The following ZNF540 variants were observed in gnomAD, a reference collection of about 807,000 sequenced individuals.
The protein encoded by ZNF540 is zinc finger protein 540, also known as CTD-3064H18.6.
ZNF540 carries 3 observed loss-of-function variants against 11.8 expected under a neutral mutation model. The ratio of observed to expected loss-of-function variants is 0.25; its 90% CI spans 0.12 to 0.65. ZNF540 has a LOEUF of 0.65. ZNF540 is among the 30% of genes least tolerant of loss of function. ZNF540 has a pLI of 0.83. For synonymous variants in ZNF540, 247 were observed against 259.0 expected, an observed-to-expected ratio of 0.95 and a Z score of 0.45; for missense variants, 709 against 793.1, an observed-to-expected ratio of 0.89 and a Z score of 1.27.
At chr19:37,592,941 G>C (rs186416507), upstream of ZNF540, among the ~76,000 whole-genome samples, 2 of 152,276 alleles carry the variant, frequency 1.3e-5, no homozygotes, top group African/African-American at 4.8e-5. Context: ...AAGTTTAACA[G>C]GTTTGGCCAC....
chr19:37,606,297 T>C (rs572216515), intron 4 of ZNF540, among the ~76,000 whole-genome samples: 3 of 152,214 alleles, frequency 2.0e-5, no homozygotes, highest in Non-Finnish European at 4.4e-5. Flanking sequence ...TGTAGGGATA[T>C]ACCTTATTTT....
chr19:37,553,203 G>A (rs1233766439), intron 1 of ZNF540, among the ~76,000 whole-genome samples: 3 of 119,302 alleles, frequency 2.5e-5, no homozygotes, highest in East Asian at 2.6e-4. Context: ...GCATGATCTC[G>A]GCTCACTGCA....
In ZNF540 at chr19:37,611,990, A is replaced by T. The variant is rs1568369427; in HGVS notation, c.710A>T (p.His237Leu). The T allele has an allele frequency of 6.2e-7, 1 of 1,613,760 alleles. No homozygotes were observed. The highest frequency in any genetic ancestry group is 8.5e-7 in the Non-Finnish European group (1 of 1,179,980). Residue 237 changes from histidine to leucine, a missense_variant, in exon 5 of 5, where the codon CAT becomes CTT. Physicochemically the swap from His to Leu is moderately conservative, Grantham distance 99. Coordinates refer to ENST00000316433, the MANE Select transcript of ZNF540 (RefSeq NM_001172225.3). ...CAACTTACTCTGCATCAGAGATTTC[A>T]TACTGGTGAGAAACCCTATGAATGT... ...SYQLTLHQRF[H>L]TGEKPYECQE... is the part of the protein sequence containing the mutation.
upstream of ZNF540, among the ~76,000 whole-genome samples, chr19:37,593,176 T>G (rs2043917818): frequency 1.3e-5 from 2 of 152,186 alleles, no homozygotes; most frequent in African/African-American, 4.8e-5. Context: ...TAAAATATAA[T>G]GTCCTTTTTG....
chr19:37,598,722 T>A (rs775963618), intron 2 of ZNF540, among the ~76,000 whole-genome samples: 1 of 152,198 alleles, frequency 6.6e-6, no homozygotes, highest in Non-Finnish European at 1.5e-5. Context: ...CTTTGTCAGA[T>A]CTGAGGTGTA....
chr19:37,602,584 CG>C (rs1348915432), intron 4 of ZNF540, among the ~76,000 whole-genome samples: 3 of 152,096 alleles, frequency 2.0e-5, no homozygotes, highest in Non-Finnish European at 2.9e-5. Context: ...CTCCCTTTAG[CG>C]AATGAGTTTC....
rs1250152130 is a variant in ZNF540, at chr19:37,614,137, T to G, written c.*874T>G. 3 of 343,478 alleles carry G rather than the reference T, an allele frequency of 8.7e-6. No homozygotes were observed. The highest frequency in any genetic ancestry group is 1.6e-5 in the Non-Finnish European group (3 of 192,748). 21.3% of individuals were successfully genotyped at this position (343,478 alleles called of 1,614,324 possible). A position where few individuals can be genotyped will look rare whatever the true frequency, so the allele number is the denominator to read the frequency against. ...TATTTTGTTATGCAGCCCAGATAAC[T>G]AAGGCACTCCATTAGAATATAAATA... On this transcript the variant is annotated 3_prime_UTR_variant, in exon 5 of 5. Coordinates refer to ENST00000316433, the MANE Select transcript of ZNF540 (RefSeq NM_001172225.3).
intron 1 of ZNF540, among the ~76,000 whole-genome samples, chr19:37,598,164 T>C (rs1243617865): frequency 6.6e-6 from 1 of 152,162 alleles, no homozygotes; most frequent in Admixed American, 6.5e-5. Flanking sequence ...ATATTGGTCA[T>C]GTGTTCTAAT....
chr19:37,594,479 G>A (rs2043959159), upstream of ZNF540: 1 of 152,322 alleles, frequency 6.6e-6, no homozygotes, highest in Non-Finnish European at 1.5e-5. Flanking sequence ...GGGGCTCCAG[G>A]GGCACACTCA....
At chr19:37,577,928 G>A (rs987594332) in intron 1 of ZNF540, among the ~76,000 whole-genome samples, 1 of 152,160 alleles carries the variant, frequency 6.6e-6, no homozygotes, top group Admixed American at 6.5e-5. Flanking sequence ...GTGGGGAACC[G>A]AACTGCAGAG....
At chr19:37,571,880 T>C (rs1448058520) in intron 1 of ZNF540, among the ~76,000 whole-genome samples, 1 of 152,210 alleles carries the variant, frequency 6.6e-6, no homozygotes, top group Non-Finnish European at 1.5e-5. Context: ...CAGAAAGCTA[T>C]ATTGTTACAT....
intron 1 of ZNF540, chr19:37,564,716 G>A (rs981696564): frequency 6.2e-7 from 1 of 1,613,564 alleles, no homozygotes; most frequent in East Asian, 2.2e-5. Context: ...AGTAAGTTCT[G>A]AGCCACGACT....
chr19:37,575,923 GTTAA>G (rs2043227402), intron 1 of ZNF540: 1 of 152,050 alleles, frequency 6.6e-6, no homozygotes, highest in Admixed American at 6.6e-5. Flanking sequence ...CACAATTTCC[GTTAA>G]TTAACTCCAC....
intron 1 of ZNF540, among the ~76,000 whole-genome samples, chr19:37,567,028 T>C (rs1484169236): frequency 2.0e-5 from 3 of 152,172 alleles, no homozygotes; most frequent in Non-Finnish European, 4.4e-5. Flanking sequence ...GTTAAAAAAG[T>C]GTCAAGCATA....
At chr19:37,586,720 G>T (rs1346256756) in intron 1 of ZNF540, 2 of 1,612,930 alleles carry the variant, frequency 1.2e-6, no homozygotes, top group African/African-American at 1.3e-5. Flanking sequence ...TCTCCTGGAG[G>T]TGTGCAAAGT....
intron 1 of ZNF540, among the ~76,000 whole-genome samples, chr19:37,553,587 T>A (rs1021709062): frequency 3.3e-5 from 5 of 152,342 alleles, no homozygotes; most frequent in East Asian, 1.9e-4. Flanking sequence ...TTGTATTTTT[T>A]AAATTATATT....
At chr19:37,574,838 C>T (rs2147174585) in intron 1 of ZNF540, among the ~76,000 whole-genome samples, 1 of 152,306 alleles carries the variant, frequency 6.6e-6, no homozygotes, top group African/African-American at 2.4e-5. Context: ...AGAGTAATCT[C>T]AGTAACAATA....
chr19:37,578,708 G>C (rs535139886), intron 1 of ZNF540, among the ~76,000 whole-genome samples: 10 of 151,818 alleles, frequency 6.6e-5, no homozygotes, highest in Non-Finnish European at 8.8e-5. Context: ...GGCAGGCACA[G>C]CTCCACATTC....
chr19:37,605,843 AT>A (rs1477426790), intron 4 of ZNF540, among the ~76,000 whole-genome samples: 1 of 152,112 alleles, frequency 6.6e-6, no homozygotes, highest in Non-Finnish European at 1.5e-5. Flanking sequence ...GCATATTTTC[AT>A]TTATTTGTCA....
Sources: allele counts gnomAD v4.1 joint callset (sites outside exome capture counted in the v4.1 genomes callset), GRCh38; gene constraint gnomAD v4.1.1; transcripts MANE v1.5; gene names NCBI Gene and HGNC (gene_info 2026-07-23, HGNC 2026-07-21).